The following CNBD1 variants were observed in gnomAD, a reference collection of about 807,000 sequenced individuals.
The protein encoded by CNBD1 is cyclic nucleotide-binding domain-containing protein 1.
A neutral mutation model predicts 54.4 loss-of-function variants in CNBD1; 71 were observed. That is an observed-to-expected ratio of 1.30 (90% CI 1.08 to 1.59). The LOEUF is 1.59. Ranked by LOEUF, CNBD1 falls within the 40% of genes most tolerant of loss-of-function variation. The pLI is 0.00. For synonymous variants in CNBD1, 182 were observed against 170.7 expected (o/e 1.07, Z -0.51); for missense variants, 659 against 518.0 (o/e 1.27, Z -2.64).
chr8:87,020,762 A>G (rs1470567218), intron 4 of CNBD1, among the ~76,000 whole-genome samples: 6 of 152,204 alleles, frequency 3.9e-5, no homozygotes, highest in African/African-American at 1.4e-4. Context: ...CACATTCTAT[A>G]GAGAATCCCC....
At chr8:86,907,942 T>G (rs1001986244) in intron 3 of CNBD1, among the ~76,000 whole-genome samples, 1 of 152,212 alleles carries the variant, frequency 6.6e-6, no homozygotes, top group Non-Finnish European at 1.5e-5. Flanking sequence ...CAGTTATTGA[T>G]CAACAATATT....
At chr8:87,318,808 A>G (rs1809456464) in intron 8 of CNBD1, among the ~76,000 whole-genome samples, 1 of 152,082 alleles carries the variant, frequency 6.6e-6, no homozygotes, top group Admixed American at 6.6e-5. Context: ...GTCAGATTTC[A>G]GAGACAGGAA....
At chr8:86,884,176 C>A (rs2453445) in intron 1 of CNBD1, among the ~76,000 whole-genome samples, 124,652 of 149,560 alleles carry the variant, frequency 0.83, 51,932 homozygotes, top group African/African-American at 0.86. Flanking sequence ...CAAAACAAAA[C>A]AAAAAAACCT....
intron 4 of CNBD1, among the ~76,000 whole-genome samples, chr8:87,084,510 TTG>T (rs1811060117): frequency 6.6e-6 from 1 of 152,096 alleles, no homozygotes; most frequent in South Asian, 2.1e-4. Flanking sequence ...TGTCATCCCA[TTG>T]TGTTTTGATT....
chr8:87,372,171 A>G lies in CNBD1; in HGVS notation c.1304-10449A>G, dbSNP rs558837832. 1.2e-4 allele frequency among the ~76,000 whole-genome samples: 18 copies of G among 152,116 alleles called. No homozygotes were observed. In the South Asian group the frequency reaches 3.7e-3, roughly 32 times the overall value. On this transcript the variant is annotated intron_variant, in intron 10 of 10. Transcript: ENST00000518476. ...GATACAAAATCAATGTACAAAAATC[A>G]CAAGCATTCTTATACACCAATAACA...
intron 4 of CNBD1, among the ~76,000 whole-genome samples, chr8:86,998,535 C>T (rs1427359815): frequency 6.6e-6 from 1 of 152,078 alleles, no homozygotes; most frequent in Non-Finnish European, 1.5e-5. Context: ...GTGCATTGGG[C>T]AATTCAAGGT....
intron 3 of CNBD1, among the ~76,000 whole-genome samples, chr8:86,927,818 G>A (rs2131831577): frequency 6.6e-6 from 1 of 152,210 alleles, no homozygotes; most frequent in Non-Finnish European, 1.5e-5. Context: ...TAAGCTGTAG[G>A]AGCCTTTTGA....
At chr8:87,038,228 A>G (rs10504832) in intron 4 of CNBD1, among the ~76,000 whole-genome samples, 4,567 of 152,282 alleles carry the variant, frequency 0.03, 238 homozygotes, top group African/African-American at 0.1. Context: ...TTTAGGCTCA[A>G]GTTAATCAAT....
intron 4 of CNBD1, among the ~76,000 whole-genome samples, chr8:87,096,033 G>A (rs1811313073): frequency 6.6e-6 from 1 of 152,180 alleles, no homozygotes; most frequent in Non-Finnish European, 1.5e-5. Context: ...GGTAACAGAT[G>A]TTAGGTAATT....
chr8:86,915,521 A>C (rs1248949545), intron 3 of CNBD1, among the ~76,000 whole-genome samples: 1 of 151,972 alleles, frequency 6.6e-6, no homozygotes, highest in African/African-American at 2.4e-5. Context: ...ATATCTCCCA[A>C]AGTTAGCTCG....
chr8:86,939,369 A>G (rs1343489177), intron 3 of CNBD1, among the ~76,000 whole-genome samples: 1 of 152,178 alleles, frequency 6.6e-6, no homozygotes, highest in Non-Finnish European at 1.5e-5. Context: ...ATCAAATTCT[A>G]TACATTGAAA....
rs949527388 is a variant in CNBD1, at chr8:87,356,860, C to T, written c.1303+3074C>T. On this transcript the variant is annotated intron_variant, in intron 10 of 10. Transcript: ENST00000518476. Reference sequence around the variant, plus strand: ...CAGAAATCTTGAAGACAGCTCCTCCCATCACAGGCCCAGATGCCTAGGAGG... The same window carrying T: ...CAGAAATCTTGAAGACAGCTCCTCCTATCACAGGCCCAGATGCCTAGGAGG... 2.0e-5 allele frequency among the ~76,000 whole-genome samples: 3 copies of T among 152,214 alleles called. 1 individual carries two copies. Among genetic ancestry groups the T allele is most frequent in the Admixed American group, 6.5e-5 (1 of 15,276 alleles).
At chr8:87,155,366 T>A (rs1166474790) in intron 4 of CNBD1, among the ~76,000 whole-genome samples, 1 of 152,146 alleles carries the variant, frequency 6.6e-6, no homozygotes, top group Non-Finnish European at 1.5e-5. Context: ...ACGGCTTAGA[T>A]AGCAGTGTAG....
chr8:87,005,115 G>A (rs953723345), intron 4 of CNBD1, among the ~76,000 whole-genome samples: 4 of 151,972 alleles, frequency 2.6e-5, no homozygotes, highest in Non-Finnish European at 5.9e-5. Context: ...AGGGCACGGT[G>A]GCTCACGCTT....
chr8:87,251,890 A>C (rs893355665), intron 6 of CNBD1, among the ~76,000 whole-genome samples: 1 of 151,654 alleles, frequency 6.6e-6, no homozygotes, highest in Admixed American at 6.6e-5. Context: ...ACTTCTAAGC[A>C]AACTTTCTTT....
At chr8:87,177,435 T>A (rs776622488) in intron 4 of CNBD1, among the ~76,000 whole-genome samples, 1 of 152,230 alleles carries the variant, frequency 6.6e-6, no homozygotes, top group Admixed American at 6.5e-5. Flanking sequence ...CTCTAAGTGA[T>A]GGAAGTATTT....
intron 4 of CNBD1, among the ~76,000 whole-genome samples, chr8:87,122,588 G>C (rs962966800): frequency 1.3e-5 from 2 of 151,714 alleles, no homozygotes; most frequent in East Asian, 1.9e-4. Flanking sequence ...TGTTTTAGGA[G>C]TCGTAGCCAA....
At chr8:87,100,284 G>GATAAAATATTTTAAATATTTTAAA (rs1811404328) in intron 4 of CNBD1, among the ~76,000 whole-genome samples, 1 of 152,042 alleles carries the variant, frequency 6.6e-6, no homozygotes, top group Non-Finnish European at 1.5e-5. Context: ...ATAATATCTA[G>GATAAAATATTTTAAATATTTTAAA]ATAAAATATT....
intron 3 of CNBD1, among the ~76,000 whole-genome samples, chr8:86,936,410 TATC>T (rs1398628439): frequency 3.3e-5 from 5 of 152,148 alleles, no homozygotes; most frequent in Admixed American, 2.0e-4. Flanking sequence ...GGAAAAATCT[TATC>T]ATGGAACATG....
Sources: gnomAD v4.1 joint callset for allele counts (sites outside exome capture counted in the v4.1 genomes callset) on GRCh38, gnomAD v4.1.1 for gene constraint, MANE v1.5 for transcripts, NCBI Gene and HGNC (gene_info 2026-07-23, HGNC 2026-07-21) for gene names.